The following LRP1B variants were observed in gnomAD, a reference collection of about 807,000 sequenced individuals.
LRP1B encodes low-density lipoprotein receptor-related protein 1B.
A neutral mutation model predicts 556.6 loss-of-function variants in LRP1B; 217 were observed. The observed-to-expected ratio is 0.39, with a 90% confidence interval of 0.35 to 0.44. The LOEUF (loss-of-function observed/expected upper bound fraction) is 0.44, where lower values mean the gene tolerates loss of function less well. Among genes scored for constraint, LRP1B ranks in the 20% least tolerant of loss-of-function variants. The pLI, the probability that LRP1B is intolerant of heterozygous loss-of-function variation, is 1.00. For missense variants in LRP1B, 5,053 were observed against 5,620.8 expected (o/e 0.90, Z 3.23); for synonymous variants, 2,047 against 1,865.8 (o/e 1.10, Z -2.50).
chr2:140,896,561 A>G (rs976793658), intron 23 of LRP1B, among the ~76,000 whole-genome samples: 2 of 152,244 alleles, frequency 1.3e-5, no homozygotes, highest in African/African-American at 4.8e-5. Flanking sequence ...GGCTCACTGC[A>G]GTCTCAATCT....
intron 1 of LRP1B, among the ~76,000 whole-genome samples, chr2:141,999,574 A>G (rs1246604829): frequency 6.6e-6 from 1 of 152,166 alleles, no homozygotes; most frequent in African/African-American, 2.4e-5. Context: ...ATAAAGCCAC[A>G]TACAATTAAA....
At chr2:141,259,175 G>A (rs1210227783) in intron 3 of LRP1B, among the ~76,000 whole-genome samples, 2 of 152,176 alleles carry the variant, frequency 1.3e-5, no homozygotes, top group Non-Finnish European at 2.9e-5. Context: ...GTAAGAGGGA[G>A]TCTAAAAGGA....
intron 66 of LRP1B, among the ~76,000 whole-genome samples, chr2:140,396,265 CTATT>C (rs1249388235): frequency 6.6e-6 from 1 of 152,136 alleles, no homozygotes. Flanking sequence ...ATTTTTCCTA[CTATT>C]TATTCTATGT....
intron 35 of LRP1B, among the ~76,000 whole-genome samples, chr2:140,729,537 A>T (rs1027517606): frequency 6.6e-6 from 1 of 152,172 alleles, no homozygotes; most frequent in Non-Finnish European, 1.5e-5. Context: ...CAGGAAAAAA[A>T]ATACACAATG....
Position 140,357,902 on chromosome 2 carries a change from C to T in LRP1B, c.11395+77G>A, listed in dbSNP as rs543732119. ...TACTTTGAAGAGCAATATTTCCATCCAGAACATTTTAGTCATGTACAAGCA... is the reference window on the plus strand; with the variant it reads ...TACTTTGAAGAGCAATATTTCCATCTAGAACATTTTAGTCATGTACAAGCA... On this transcript the variant is annotated intron_variant, in intron 74 of 90. Coordinates refer to ENST00000389484, the MANE Select transcript of LRP1B (RefSeq NM_018557.3). The T allele has an allele frequency of 4.0e-6, 6 of 1,509,958 alleles. No individual in the cohort carries two copies. The African/African-American group carries it at 8.3e-5, about 21-fold the overall frequency. 93.5% of individuals were successfully genotyped at this position (1,509,958 alleles called of 1,614,324 possible).
intron 86 of LRP1B, among the ~76,000 whole-genome samples, chr2:140,254,243 ATATT>A (rs1224238807): frequency 1.3e-5 from 2 of 152,166 alleles, no homozygotes; most frequent in Non-Finnish European, 2.9e-5. Flanking sequence ...TATTCGACAT[ATATT>A]TATTCTATAC....
At chr2:141,169,839 G>T (rs1680422691) in intron 7 of LRP1B, among the ~76,000 whole-genome samples, 1 of 147,738 alleles carries the variant, frequency 6.8e-6, no homozygotes, top group Admixed American at 6.8e-5. Context: ...ATTAAAATCT[G>T]CTACTTTTGC....
chr2:141,794,188 T>G (rs2105669065), intron 2 of LRP1B, among the ~76,000 whole-genome samples: 1 of 152,086 alleles, frequency 6.6e-6, no homozygotes. Context: ...GAATGGGTTT[T>G]GACTTTGATA....
At chr2:140,314,898 A>T (rs971348174) in intron 83 of LRP1B, 37 bp downstream of exon 83, 3 of 1,506,394 alleles carry the variant, frequency 2.0e-6, no homozygotes, top group Non-Finnish European at 2.7e-6. Context: ...AGGAAAAGTG[A>T]AAAAGATGTG....
chr2:140,329,248 T>G (rs184667876), intron 79 of LRP1B, among the ~76,000 whole-genome samples: 2 of 152,066 alleles, frequency 1.3e-5, no homozygotes, highest in African/African-American at 4.8e-5. Flanking sequence ...TCCTCATACC[T>G]CAAAATAATA....
intron 35 of LRP1B, among the ~76,000 whole-genome samples, chr2:140,729,841 T>C (rs1262784077): frequency 2.0e-5 from 3 of 152,192 alleles, no homozygotes; most frequent in Non-Finnish European, 4.4e-5. Context: ...CAGATATACA[T>C]ACACAGAAGC....
At chr2:140,918,300 AAG>A (rs1299573143) in intron 21 of LRP1B, among the ~76,000 whole-genome samples, 1 of 151,844 alleles carries the variant, frequency 6.6e-6, no homozygotes, top group East Asian at 1.9e-4. Context: ...TCAAATTTGA[AAG>A]AGTTTTCTAT....
At chr2:142,072,312 C>T (rs1294307334) in intron 1 of LRP1B, among the ~76,000 whole-genome samples, 2 of 151,892 alleles carry the variant, frequency 1.3e-5, no homozygotes, top group African/African-American at 2.4e-5. Flanking sequence ...TCCTTATTGC[C>T]CTTTGGGTAA....
intron 32 of LRP1B, among the ~76,000 whole-genome samples, chr2:140,780,316 A>G (rs1488006009): frequency 6.6e-6 from 1 of 152,222 alleles, no homozygotes; most frequent in Non-Finnish European, 1.5e-5. Flanking sequence ...AGCAAAATCA[A>G]AAATTAACAA....
At chr2:140,865,571 A>C (rs1470411023) in intron 27 of LRP1B, among the ~76,000 whole-genome samples, 1 of 152,034 alleles carries the variant, frequency 6.6e-6, no homozygotes, top group East Asian at 1.9e-4. Flanking sequence ...CAGGACAGAT[A>C]ATGATTATTA....
intron 21 of LRP1B, among the ~76,000 whole-genome samples, chr2:140,913,620 C>T (rs1694488295): frequency 6.6e-6 from 1 of 152,018 alleles, no homozygotes; most frequent in South Asian, 2.1e-4. Context: ...ATAGTGACTA[C>T]TCTTGCTACT....
At chr2:141,490,369 TC>T (rs1279402138) in intron 2 of LRP1B, among the ~76,000 whole-genome samples, 52 of 108,646 alleles carry the variant, frequency 4.8e-4, no homozygotes, top group African/African-American at 1.7e-3. Context: ...TAAAATAGCC[TC>T]GTGTGTGTGT....
At chr2:140,688,895 T>C (rs1192170814) in intron 41 of LRP1B, among the ~76,000 whole-genome samples, 1 of 152,068 alleles carries the variant, frequency 6.6e-6, no homozygotes, top group African/African-American at 2.4e-5. Context: ...CACCAGCTGG[T>C]TACAGAAATT....
chr2:140,671,441 A>G (rs1685481539), intron 41 of LRP1B, among the ~76,000 whole-genome samples: 1 of 152,202 alleles, frequency 6.6e-6, no homozygotes, highest in Non-Finnish European at 1.5e-5. Flanking sequence ...GAATGTCGTG[A>G]ATCCGAGAGG....
Sources: allele counts gnomAD v4.1 joint callset (sites outside exome capture counted in the v4.1 genomes callset), GRCh38; gene constraint gnomAD v4.1.1; transcripts MANE v1.5; gene names NCBI Gene and HGNC (gene_info 2026-07-23, HGNC 2026-07-21).